PSMD7: variants seen among roughly 807,000 people sequenced by gnomAD.
PSMD7 encodes the protein proteasome 26S subunit, non-ATPase 7, also known as 26S proteasome non-ATPase regulatory subunit 7.
In PSMD7, 13 loss-of-function variants were observed where a neutral mutation model predicts 36.4. The ratio of observed to expected loss-of-function variants is 0.36; its 90% CI spans 0.23 to 0.57. PSMD7 has a LOEUF of 0.57. PSMD7 is among the 20% of genes least tolerant of loss of function. The pLI, the probability that PSMD7 is intolerant of heterozygous loss-of-function variation, is 0.83. For synonymous variants in PSMD7, 186 were observed against 151.0 expected, an observed-to-expected ratio of 1.23 and a Z score of -1.70; for missense variants, 298 against 393.6, an observed-to-expected ratio of 0.76 and a Z score of 2.06.
chr16:74,300,101 GT>G lies in PSMD7; in HGVS notation c.75-10del, dbSNP rs2034143926. 2 of 1,612,722 alleles carry G rather than the reference GT, an allele frequency of 1.2e-6. No homozygotes were observed. Among genetic ancestry groups the G allele is most frequent in the Non-Finnish European group, 1.7e-6 (2 of 1,178,730 alleles). On this transcript the variant is annotated splice_polypyrimidine_tract_variant and intron_variant, in intron 1 of 6. Transcript: ENST00000219313. ...GCGAGCCTATCCACACTGACCATCT[GT>G]TTTCTCATTCAGAATCGGCAAGGTT...
chr16:74,298,234 C>T (rs1364202444), intron 1 of PSMD7, among the ~76,000 whole-genome samples: 2 of 151,162 alleles, frequency 1.3e-5, no homozygotes, highest in African/African-American at 4.9e-5. Flanking sequence ...CAAAGGTCAT[C>T]TAGTAAGCTC....
Position 74,296,886 on chromosome 16 carries a change from G to A in PSMD7, c.-29G>A, listed in dbSNP as rs373670617. ...TGCCGGTGTTTGCGTGTGGCAGGGAGCCAGGCCTGGCGAGCGGGGTGTGTC... is the reference window on the plus strand; with the variant it reads ...TGCCGGTGTTTGCGTGTGGCAGGGAACCAGGCCTGGCGAGCGGGGTGTGTC... On this transcript the variant is annotated 5_prime_UTR_variant, in exon 1 of 7. Transcript: ENST00000219313. 1,149 of 1,611,098 alleles carry A rather than the reference G, an allele frequency of 7.1e-4. 3 individuals carry two copies. The highest frequency in any genetic ancestry group is 9.2e-4 in the Non-Finnish European group (1,086 of 1,179,130).
rs2034196164 is a variant in PSMD7, at chr16:74,306,224, G to C, written c.*491G>C. On this transcript the variant is annotated 3_prime_UTR_variant, in exon 7 of 7. Coordinates refer to ENST00000219313, the MANE Select transcript of PSMD7 (RefSeq NM_002811.5). ...GGACCCATAGCTCTGGCATCCTCAG[G>C]GGTTGTGATCCAGCTCCATATATTG... 6.5e-6 allele frequency: 1 copy of C among 152,680 alleles called. No homozygotes were observed. 9.5% of individuals were successfully genotyped at this position (152,680 alleles called of 1,614,324 possible). A position where few individuals can be genotyped will look rare whatever the true frequency, so the allele number is the denominator to read the frequency against.
At chr16:74,297,954 G>GT (rs1431686428) in intron 1 of PSMD7, among the ~76,000 whole-genome samples, 1 of 151,028 alleles carries the variant, frequency 6.6e-6, no homozygotes, top group Non-Finnish European at 1.5e-5. Context: ...ATTAGACTCC[G>GT]TCTCAAAAAA....
chr16:74,304,670 C>T (rs529107498), intron 6 of PSMD7: 25 of 303,352 alleles, frequency 8.2e-5, no homozygotes, highest in African/African-American at 1.5e-4. Context: ...TGTTGACTGA[C>T]GGGAAGAGAG....
chr16:74,305,317 C>G lies in PSMD7; in HGVS notation c.559C>G (p.Leu187Val), dbSNP rs758634665. Residue 187 changes from leucine to valine, a missense_variant, in exon 7 of 7, where the codon CTG becomes GTG. By Grantham distance (32) the Leu-to-Val change is conservative. Coordinates refer to ENST00000219313, the MANE Select transcript of PSMD7 (RefSeq NM_002811.5). ...RDIKDTTVGT[L>V]SQRITNQVHG... ...TATCAAAGACACGACGGTGGGCACT[C>G]TGTCCCAGCGGATCACAAACCAGGT... The G allele has an allele frequency of 6.2e-7, 1 of 1,612,602 alleles. No homozygotes were observed. The highest frequency in any genetic ancestry group is 2.2e-5 in the East Asian group (1 of 44,868).
Position 74,302,244 on chromosome 16 carries a change from C to T in PSMD7, c.390C>T (p.Asp130=). The change falls in exon 5 of 7, where the codon GAC becomes GAT. Residue 130 remains aspartate, a synonymous_variant. Transcript: ENST00000219313. ...VLVIIDVKPK[D]LGLPTEAYIS... is the part of the protein sequence containing the mutation. ...TCATCATTGATGTGAAGCCGAAGGA[C>T]CTAGGGCTGCCTACAGAAGCGTACA... 1.2e-6 allele frequency: 2 copies of T among 1,614,040 alleles called. No individual in the cohort carries two copies. Among genetic ancestry groups the T allele is most frequent in the Non-Finnish European group, 1.7e-6 (2 of 1,180,000 alleles).
chr16:74,301,501 G>A, intron 3 of PSMD7, 54 bp from the exon 4 acceptor site: 2 of 1,309,448 alleles, frequency 1.5e-6, no homozygotes, highest in Non-Finnish European at 2.2e-6. Context: ...TTTTGAGGGA[G>A]TTGTATAGAT....
intron 1 of PSMD7, among the ~76,000 whole-genome samples, chr16:74,297,867 G>A (rs978253890): frequency 2.0e-5 from 3 of 152,106 alleles, no homozygotes; most frequent in African/African-American, 7.2e-5. Flanking sequence ...TCGAAATCTG[G>A]ATGATGCTCA....
chr16:74,305,236 AACATGGTAC>A lies in PSMD7; in HGVS notation c.531-52_531-44del, dbSNP rs1387129022. The A allele has an allele frequency of 7.3e-6, 11 of 1,516,324 alleles. No homozygotes were observed. The East Asian group carries it at 2.3e-4, about 31-fold the overall frequency. 93.9% of individuals were successfully genotyped at this position (1,516,324 alleles called of 1,614,324 possible). The stretch of plus-strand genomic sequence containing the variant: ...CTTAGAATGTAAGAACTTGCCTGAT[AACATGGTAC>A]CCTGATGCCTTTTCCTGCCCTTTTT... On this transcript the variant is annotated intron_variant, in intron 6 of 6. Transcript: ENST00000219313.
rs747300059 is a variant in PSMD7, at chr16:74,301,126, A to G, written c.241A>G (p.Met81Val). The G allele has an allele frequency of 6.2e-7, 1 of 1,609,368 alleles. No homozygotes were observed. Among genetic ancestry groups the G allele is most frequent in the Non-Finnish European group, 8.5e-7 (1 of 1,176,388 alleles). ...DHDYLENMYG[M>V]FKKVNARERI... is the part of the protein sequence containing the mutation. ...TGATTATTTGGAAAACATGTATGGA[A>G]TGTTTAAGAAAGTCAATGGTATGTC... Residue 81 changes from methionine (M) to valine (V), a missense_variant, in exon 3 of 7, where the codon ATG becomes GTG. Coordinates refer to ENST00000219313, the MANE Select transcript of PSMD7 (RefSeq NM_002811.5).
intron 6 of PSMD7, chr16:74,304,702 G>A (rs1041915902): frequency 4.3e-6 from 1 of 230,320 alleles, no homozygotes; most frequent in Non-Finnish European, 8.5e-6. Flanking sequence ...ATGCAGGCCT[G>A]CACTCTCCAC....
chr16:74,305,117 G>T (rs977660131), intron 6 of PSMD7, 172 bp from the exon 7 acceptor site: 2 of 825,762 alleles, frequency 2.4e-6, no homozygotes, highest in African/African-American at 3.5e-5. Context: ...AAATGATAAC[G>T]AAATTAAGGT....
chr16:74,298,720 A>T (rs2034133560), intron 1 of PSMD7, among the ~76,000 whole-genome samples: 1 of 152,116 alleles, frequency 6.6e-6, no homozygotes, highest in Non-Finnish European at 1.5e-5. Flanking sequence ...ACAAAAAAAC[A>T]AAAATTAGCC....
chr16:74,299,573 C>T (rs2034139879), intron 1 of PSMD7: 1 of 455,230 alleles, frequency 2.2e-6, no homozygotes, highest in Non-Finnish European at 4.4e-6. Flanking sequence ...TTTTTGTAGA[C>T]AGGGTTTCGC....
intron 4 of PSMD7, among the ~76,000 whole-genome samples, chr16:74,301,890 C>A (rs1444133855): frequency 6.6e-6 from 1 of 152,052 alleles, no homozygotes; most frequent in South Asian, 2.1e-4. Flanking sequence ...AACTGTATAT[C>A]CTCTTTACAA....
chr16:74,300,996 C>G, intron 2 of PSMD7, 56 bp from the exon 3 acceptor site: 1 of 1,076,032 alleles, frequency 9.3e-7, no homozygotes, highest in Non-Finnish European at 1.4e-6. Flanking sequence ...TCAATTGTGA[C>G]CTGTGTTCTA....
chr16:74,300,152 G>T lies in PSMD7; in HGVS notation c.112G>T (p.Val38Leu). ...KVGNQKRVVG[V>L]LLGSWQKKVL... is the part of the protein sequence containing the mutation. ...TGGAAACCAGAAGCGTGTTGTTGGT[G>T]TGCTTTTGGGGTCATGGCAAAAGAA... The change falls in exon 2 of 7, where the codon GTG becomes TTG. Residue 38 changes from valine to leucine, a missense_variant. Transcript: ENST00000219313. 1.2e-6 allele frequency: 2 copies of T among 1,614,196 alleles called. No individual in the cohort carries two copies. The highest frequency in any genetic ancestry group is 1.7e-6 in the Non-Finnish European group (2 of 1,180,028).
intron 1 of PSMD7, 106 bp downstream of exon 1, chr16:74,297,094 C>A (rs901520095): frequency 1.6e-6 from 2 of 1,212,912 alleles, no homozygotes; most frequent in Non-Finnish European, 2.4e-6. Flanking sequence ...GCAGATAGGG[C>A]GGCTGGTGAC....
Sources: gnomAD v4.1 joint callset for allele counts (sites outside exome capture counted in the v4.1 genomes callset) on GRCh38, gnomAD v4.1.1 for gene constraint, MANE v1.5 for transcripts, NCBI Gene and HGNC (gene_info 2026-07-23, HGNC 2026-07-21) for gene names.